SUMF1: variants seen among roughly 807,000 people sequenced by gnomAD.
The protein encoded by SUMF1 is sulfatase modifying factor 1.
A neutral mutation model predicts 47.6 loss-of-function variants in SUMF1; 48 were observed. That is an observed-to-expected ratio of 1.01 (90% CI 0.80 to 1.28). The LOEUF (loss-of-function observed/expected upper bound fraction) is 1.28. Among genes scored for constraint, SUMF1 ranks in the 50% most tolerant of loss-of-function variants. The pLI, the probability that SUMF1 is intolerant of heterozygous loss-of-function variation, is 0.00. For synonymous variants in SUMF1, 230 were observed against 192.1 expected, an observed-to-expected ratio of 1.20 and a Z score of -1.63; for missense variants, 571 against 485.4, an observed-to-expected ratio of 1.18 and a Z score of -1.66.
At chr3:4,095,812 C>T (rs150497040) in intron 8 of SUMF1, among the ~76,000 whole-genome samples, 3 of 152,220 alleles carry the variant, frequency 2.0e-5, no homozygotes, top group Admixed American at 2.0e-4. Flanking sequence ...TTTTACATAA[C>T]TTTATTATTT....
intron 3 of SUMF1, among the ~76,000 whole-genome samples, chr3:4,449,035 CA>C (rs1441015333): frequency 6.6e-6 from 1 of 152,180 alleles, no homozygotes; most frequent in Non-Finnish European, 1.5e-5. Context: ...CCTTGGCACA[CA>C]AGACAGAAAC....
chr3:4,436,246 G>C (rs1350535814), intron 3 of SUMF1, among the ~76,000 whole-genome samples: 4 of 152,124 alleles, frequency 2.6e-5, no homozygotes, highest in Non-Finnish European at 4.4e-5. Flanking sequence ...ACAGGGGATG[G>C]GGTAGTAGAG....
intron 8 of SUMF1, among the ~76,000 whole-genome samples, chr3:4,372,385 A>T (rs1054030421): frequency 2.0e-5 from 3 of 152,220 alleles, no homozygotes; most frequent in African/African-American, 4.8e-5. Flanking sequence ...AAAATTTTTT[A>T]AAAAATGAAT....
At chr3:4,437,457 G>T (rs1282029919) in intron 3 of SUMF1, among the ~76,000 whole-genome samples, 1 of 152,062 alleles carries the variant, frequency 6.6e-6, no homozygotes, top group Admixed American at 6.6e-5. Flanking sequence ...TGAGGAAAAA[G>T]AAGAGACAAA....
intron 8 of SUMF1, among the ~76,000 whole-genome samples, chr3:4,082,529 T>C (rs989663851): frequency 6.6e-6 from 1 of 152,050 alleles, no homozygotes; most frequent in African/African-American, 2.4e-5. Flanking sequence ...ATCAATAGAA[T>C]TAAATTATAT....
At chr3:4,159,304 C>A (rs1442442395) in intron 8 of SUMF1, among the ~76,000 whole-genome samples, 2 of 148,776 alleles carry the variant, frequency 1.3e-5, no homozygotes, top group Non-Finnish European at 3.0e-5. Flanking sequence ...GCATCCATTG[C>A]ATGTTTTTTT....
chr3:4,157,602 G>A (rs1276583111), intron 8 of SUMF1, among the ~76,000 whole-genome samples: 1 of 151,458 alleles, frequency 6.6e-6, no homozygotes, highest in Non-Finnish European at 1.5e-5. Flanking sequence ...GCTGTAATGA[G>A]TCCATGGATT....
chr3:4,056,039 T>C (rs115094045), intron 9 of SUMF1, among the ~76,000 whole-genome samples: 6,221 of 152,238 alleles, frequency 0.041, 448 homozygotes, highest in African/African-American at 0.14. Context: ...TTAAAGACCC[T>C]TGTGATTACA....
chr3:4,353,413 C>A (rs1008594783), intron 8 of SUMF1, among the ~76,000 whole-genome samples: 7 of 152,126 alleles, frequency 4.6e-5, no homozygotes, highest in Non-Finnish European at 5.9e-5. Flanking sequence ...CCACCACGCC[C>A]GGCTAATTTT....
chr3:4,136,480 T>C (rs1045076549), intron 8 of SUMF1, among the ~76,000 whole-genome samples: 20 of 152,106 alleles, frequency 1.3e-4, no homozygotes, highest in Non-Finnish European at 2.1e-4. Context: ...TCAAGATGGA[T>C]TAAAGACTTA....
intron 9 of SUMF1, among the ~76,000 whole-genome samples, chr3:4,066,110 G>A (rs1695370953): frequency 6.6e-6 from 1 of 151,992 alleles, no homozygotes; most frequent in Non-Finnish European, 1.5e-5. Flanking sequence ...AAGTGGATCT[G>A]GAAGGGAAAC....
chr3:4,422,663 T>C (rs1046865408), intron 3 of SUMF1, among the ~76,000 whole-genome samples: 8 of 151,928 alleles, frequency 5.3e-5, no homozygotes, highest in Non-Finnish European at 1.0e-4. Flanking sequence ...CATGGTGGAG[T>C]GGAACAGCTG....
At chr3:4,097,408 C>T (rs988975730) in intron 8 of SUMF1, among the ~76,000 whole-genome samples, 13 of 152,032 alleles carry the variant, frequency 8.6e-5, no homozygotes, top group African/African-American at 3.1e-4. Context: ...CAAAAATTAG[C>T]CAGGCGTGGG....
At chr3:4,228,161 G>C (rs945156191) in intron 8 of SUMF1, among the ~76,000 whole-genome samples, 17 of 152,018 alleles carry the variant, frequency 1.1e-4, no homozygotes, top group Non-Finnish European at 2.4e-4. Context: ...GACTTTGTAA[G>C]TCATTTTCAA....
In SUMF1 at chr3:4,047,649, C is replaced by A. The variant is rs563221473; in HGVS notation, c.1191+20920G>T. On this transcript the variant is annotated intron_variant and NMD_transcript_variant, in intron 9 of 12. Transcript: ENST00000448413. ...CCATTCCAGCCATACTAAGGAGATG[C>A]ACCTCATTAGGTACTAAATGTTTAG... Among the ~76,000 whole-genome samples the A allele has an allele frequency of 6.3e-4, 96 of 152,246 alleles. 2 individuals carry two copies. Among genetic ancestry groups the A allele is most frequent in the Non-Finnish European group, 1.2e-3 (82 of 68,002 alleles).
chr3:4,125,959 G>A (rs917858193), intron 8 of SUMF1, among the ~76,000 whole-genome samples: 2 of 152,014 alleles, frequency 1.3e-5, no homozygotes, highest in Non-Finnish European at 2.9e-5. Context: ...TTATAGGCAT[G>A]AGCCACCATG....
intron 6 of SUMF1, among the ~76,000 whole-genome samples, chr3:4,416,544 G>C (rs1296860998): frequency 3.3e-5 from 5 of 152,238 alleles, no homozygotes; most frequent in East Asian, 1.9e-4. Context: ...AAATACGGTA[G>C]TTAAGAGCAT....
At chr3:4,084,829 T>A (rs1574868568) in intron 8 of SUMF1, among the ~76,000 whole-genome samples, 1 of 152,188 alleles carries the variant, frequency 6.6e-6, no homozygotes, top group South Asian at 2.1e-4. Context: ...AAACATTGTG[T>A]GGTTATCTTG....
Position 4,262,118 on chromosome 3 carries a change from C to T in SUMF1, c.1014+114212G>A, listed in dbSNP as rs1015444534. 2.0e-5 allele frequency among the ~76,000 whole-genome samples: 3 copies of T among 152,062 alleles called. No individual in the cohort carries two copies. In the South Asian group the frequency reaches 6.2e-4, roughly 32 times the overall value. On this transcript the variant is annotated intron_variant and NMD_transcript_variant, in intron 8 of 12. Transcript: ENST00000448413. ...AAAATATGTCTATGCCCGGCCTCAA[C>T]CCAAGCAAAGAGCTAAAGGGTAGTG...
Sources: allele counts gnomAD v4.1 joint callset (sites outside exome capture counted in the v4.1 genomes callset), GRCh38; gene constraint gnomAD v4.1.1; transcripts MANE v1.5; gene names NCBI Gene and HGNC (gene_info 2026-07-23, HGNC 2026-07-21).